CATSPERD: variants seen among roughly 807,000 people sequenced by gnomAD.
CATSPERD encodes the protein catsper channel auxiliary subunit delta, also known as cation channel sperm-associated auxiliary subunit delta.
Under a neutral mutation model 98.1 loss-of-function variants are expected in CATSPERD, and 86 were observed. That is an observed-to-expected ratio of 0.88 (90% CI 0.74 to 1.05). The LOEUF (loss-of-function observed/expected upper bound fraction) is 1.05, where lower values mean the gene tolerates loss of function less well. Among genes scored for constraint, CATSPERD ranks in the 50% least tolerant of loss-of-function variants. CATSPERD has a pLI of 0.00. For missense variants in CATSPERD, 995 were observed against 1,005.7 expected (o/e 0.99, Z 0.14); for synonymous variants, 394 against 390.2 (o/e 1.01, Z -0.12).
chr19:5,751,392 G>C (rs1218646763), intron 11 of CATSPERD, among the ~76,000 whole-genome samples: 2 of 149,518 alleles, frequency 1.3e-5, no homozygotes, highest in Non-Finnish European at 3.0e-5. Context: ...AATTAGCCGG[G>C]TGTGGTGGCT....
intron 13 of CATSPERD, among the ~76,000 whole-genome samples, chr19:5,756,980 T>A (rs1211443653): frequency 1.3e-5 from 2 of 151,556 alleles, no homozygotes; most frequent in African/African-American, 4.9e-5. Flanking sequence ...CCAGGTGCGG[T>A]GGCTCACGCC....
intron 2 of CATSPERD, 73 bp from the exon 3 acceptor site, chr19:5,727,195 C>CAA (rs572991955): frequency 4.7e-5 from 48 of 1,013,034 alleles, no homozygotes; most frequent in Non-Finnish European, 5.8e-5. Context: ...ACTCTTGTCT[C>CAA]AAAAAAAAAA....
chr19:5,749,034 T>G, intron 10 of CATSPERD, 67 bp from the exon 11 acceptor site: 2 of 1,396,772 alleles, frequency 1.4e-6, no homozygotes, highest in Non-Finnish European at 1.0e-6. Context: ...CCAACCACAC[T>G]TATGTTTTTG....
rs553485804 is a variant in CATSPERD at position 5,760,760 on chromosome 19, G to A, written c.1427+1616G>A. On this transcript the variant is annotated intron_variant, in intron 15 of 21. Transcript: ENST00000381624. ...TGGAAAATTTGGGGCCCGGTGTGAC[G>A]GCTCACGCCTATAATCACAGCAACT... 7.3e-5 allele frequency among the ~76,000 whole-genome samples: 11 copies of A among 151,420 alleles called. No individual in the cohort carries two copies. The East Asian group carries it at 1.8e-3, about 24-fold the overall frequency.
chr19:5,737,978 G>A (rs915968468), intron 6 of CATSPERD, among the ~76,000 whole-genome samples: 1 of 152,030 alleles, frequency 6.6e-6, no homozygotes, highest in African/African-American at 2.4e-5. Context: ...AAAGGTTTTG[G>A]GGACGTTTTC....
Position 5,749,193 on chromosome 19 carries a change from A to G in CATSPERD, c.987+10A>G, listed in dbSNP as rs930946671. On this transcript the variant is annotated intron_variant, in intron 11 of 21. Transcript: ENST00000381624. Reference sequence around the variant, plus strand: ...AAGTTCCATAATCAAAGTAGGTAAAAAGAAAGTGGGGTTATGGGCTGGGCA... The same window carrying G: ...AAGTTCCATAATCAAAGTAGGTAAAGAGAAAGTGGGGTTATGGGCTGGGCA... The G allele has an allele frequency of 1.2e-6, 2 of 1,605,328 alleles. No homozygotes were observed. The highest frequency in any genetic ancestry group is 1.7e-6 in the Non-Finnish European group (2 of 1,174,166).
chr19:5,730,552 T>TAATGA (rs2055694080), intron 4 of CATSPERD, among the ~76,000 whole-genome samples: 2 of 64,884 alleles, frequency 3.1e-5, no homozygotes, highest in South Asian at 5.5e-4. Context: ...TAAAAAATAA[T>TAATGA]AATAAAATAA....
intron 1 of CATSPERD, among the ~76,000 whole-genome samples, chr19:5,722,042 C>A (rs1254567213): frequency 6.6e-6 from 1 of 151,722 alleles, no homozygotes; most frequent in Non-Finnish European, 1.5e-5. Flanking sequence ...GTCTTGAACT[C>A]CTAGGCTCCA....
chr19:5,754,387 C>G (rs2056284617), intron 13 of CATSPERD, 142 bp downstream of exon 13: 1 of 381,780 alleles, frequency 2.6e-6, no homozygotes, highest in Non-Finnish European at 4.9e-6. Flanking sequence ...GAAATTGTCT[C>G]TGTGTCTTTT....
At chr19:5,766,454 G>A (rs1051717643) in intron 17 of CATSPERD, among the ~76,000 whole-genome samples, 72 of 62,824 alleles carry the variant, frequency 1.1e-3, no homozygotes, top group Non-Finnish European at 2.1e-3. Flanking sequence ...CAAGACTCTC[G>A]TCTTGAAAAA....
chr19:5,731,567 T>TTTTTTTC (rs1458347305), intron 4 of CATSPERD, among the ~76,000 whole-genome samples: 1 of 111,950 alleles, frequency 8.9e-6, no homozygotes, highest in Non-Finnish European at 1.9e-5. Flanking sequence ...ACAGTTTTTT[T>TTTTTTTC]TTTTTTTTTT....
At chr19:5,742,311 T>C (rs1202509897) in intron 7 of CATSPERD, among the ~76,000 whole-genome samples, 1 of 134,768 alleles carries the variant, frequency 7.4e-6, no homozygotes, top group African/African-American at 3.1e-5. Context: ...TGTGAATGTG[T>C]GTGTGGGTGT....
At chr19:5,731,178 C>G (rs1392929888) in intron 4 of CATSPERD, among the ~76,000 whole-genome samples, 2 of 151,816 alleles carry the variant, frequency 1.3e-5, no homozygotes, top group Non-Finnish European at 2.9e-5. Flanking sequence ...CCATCGACAC[C>G]TATGCTAAAT....
chr19:5,761,392 G>T (rs536104810), intron 15 of CATSPERD, among the ~76,000 whole-genome samples: 3 of 34,054 alleles, frequency 8.8e-5, no homozygotes, highest in African/African-American at 2.8e-4. Context: ...ATGAACCACC[G>T]CACCCGGCCA....
At position 5,766,203 on chromosome 19, in the gene CATSPERD, C is replaced by T. The variant is rs541848546; in HGVS notation, c.1559+48C>T. ...CCATGGCTCATTCCTGTGATCCCAGCACTTTGGGAGGCCGAGGTGGGCAGA... is the reference window on the plus strand; with the variant it reads ...CCATGGCTCATTCCTGTGATCCCAGTACTTTGGGAGGCCGAGGTGGGCAGA... On this transcript the variant is annotated intron_variant, in intron 17 of 21. Coordinates refer to ENST00000381624, the MANE Select transcript of CATSPERD (RefSeq NM_152784.4). The T allele has an allele frequency of 1.9e-6, 3 of 1,555,458 alleles. No individual in the cohort carries two copies. In the African/African-American group the frequency reaches 4.1e-5, roughly 21 times the overall value.
At chr19:5,733,348 C>CCT (rs2055770070) in intron 4 of CATSPERD, among the ~76,000 whole-genome samples, 1 of 18,332 alleles carries the variant, frequency 5.5e-5, no homozygotes, top group East Asian at 5.3e-3. Flanking sequence ...TTCTTTCTTT[C>CCT]TTCCTTCCTT....
chr19:5,733,307 TTTTCTTTCTTTC>T (rs143559496), intron 4 of CATSPERD, among the ~76,000 whole-genome samples: 1 of 146,858 alleles, frequency 6.8e-6, no homozygotes, highest in Non-Finnish European at 1.5e-5. Context: ...TTCTTTTTCT[TTTTCTTTCTTTC>T]TTTCTTTCTT....
intron 9 of CATSPERD, among the ~76,000 whole-genome samples, chr19:5,747,227 C>CAATG (rs576062178): frequency 4.2e-4 from 59 of 139,700 alleles, no homozygotes; most frequent in African/African-American, 1.4e-3. Context: ...GACTGGAGTG[C>CAATG]AATGGTGCAA....
intron 3 of CATSPERD, among the ~76,000 whole-genome samples, chr19:5,728,038 C>CAAAAAAAAAAAAAA (rs56411287): frequency 7.8e-6 from 1 of 128,388 alleles, no homozygotes; most frequent in Non-Finnish European, 1.6e-5. Context: ...CCAGTATCTA[C>CAAAAAAAAAAAAAA]AAAAAAAAAA....
Sources: gnomAD v4.1 joint callset for allele counts (sites outside exome capture counted in the v4.1 genomes callset) on GRCh38, gnomAD v4.1.1 for gene constraint, MANE v1.5 for transcripts, NCBI Gene and HGNC (gene_info 2026-07-23, HGNC 2026-07-21) for gene names.